The following ZNF469 variants were observed in gnomAD, a reference collection of about 807,000 sequenced individuals.
ZNF469 encodes the protein zinc finger protein 469.
In ZNF469, 1 loss-of-function variant was observed where a neutral mutation model predicts 1.0. The observed-to-expected ratio is 1.00, with a 90% CI of 0.35 to 4.73. ZNF469 has a LOEUF of 4.73. ZNF469 is among the 30% of genes most tolerant of loss of function. The pLI, the probability that ZNF469 is intolerant of heterozygous loss-of-function variation, is 0.16. For missense variants in ZNF469, 6,100 were observed against 5,356.3 expected, an observed-to-expected ratio of 1.14 and a Z score of -4.33; for synonymous variants, 2,703 against 2,363.4, an observed-to-expected ratio of 1.14 and a Z score of -4.17.
chr16:88,227,731 G>A, the ZNF469 span, among the ~76,000 whole-genome samples: 68 of 152,180 alleles, frequency 4.5e-4, no homozygotes, highest in African/African-American at 1.5e-3. Flanking sequence ...GTTGTTTCCC[G>A]TCACCGCTGT....
At chr16:88,254,749 A>G in the ZNF469 span, among the ~76,000 whole-genome samples, 1 of 151,838 alleles carries the variant, frequency 6.6e-6, no homozygotes, top group South Asian at 2.1e-4. Context: ...CAAGAGTGAA[A>G]CTCTGTCTCA....
chr16:88,417,292 T>C (rs1051244500), intron 1 of ZNF469, among the ~76,000 whole-genome samples: 1 of 152,162 alleles, frequency 6.6e-6, no homozygotes, highest in Non-Finnish European at 1.5e-5. Context: ...GTGGGCACAC[T>C]GACCGAGTCA....
the ZNF469 span, among the ~76,000 whole-genome samples, chr16:88,215,691 GC>G: frequency 1.1e-4 from 17 of 151,834 alleles, no homozygotes; most frequent in African/African-American, 4.1e-4. Flanking sequence ...CACCTGGCCA[GC>G]CTTTTTTTTT....
chr16:88,202,073 C>G, the ZNF469 span, among the ~76,000 whole-genome samples: 31,594 of 152,082 alleles, frequency 0.21, 3,732 homozygotes, highest in East Asian at 0.31. Flanking sequence ...GCCATGTTTC[C>G]ACAGCCACCC....
At chr16:88,180,762 ACT>A in the ZNF469 span, among the ~76,000 whole-genome samples, 2 of 151,422 alleles carry the variant, frequency 1.3e-5, no homozygotes, top group Non-Finnish European at 2.9e-5. Flanking sequence ...TGACAGAGAG[ACT>A]CTGTCTCAAA....
the ZNF469 span, among the ~76,000 whole-genome samples, chr16:88,113,499 A>C: frequency 6.6e-6 from 1 of 152,204 alleles, no homozygotes; most frequent in African/African-American, 2.4e-5. Context: ...CCTGCTGAGC[A>C]GGGATCCAGC....
At chr16:88,376,877 G>C in the ZNF469 span, among the ~76,000 whole-genome samples, 1 of 152,208 alleles carries the variant, frequency 6.6e-6, no homozygotes. Context: ...TGTGGTGTGT[G>C]CCCAGCCCAG....
chr16:88,218,491 G>A, the ZNF469 span, among the ~76,000 whole-genome samples: 1 of 151,582 alleles, frequency 6.6e-6, no homozygotes, highest in African/African-American at 2.4e-5. Flanking sequence ...CATTGCTTTT[G>A]GTGTTTTAGA....
the ZNF469 span, among the ~76,000 whole-genome samples, chr16:88,270,896 A>T: frequency 6.6e-6 from 1 of 152,052 alleles, no homozygotes; most frequent in African/African-American, 2.4e-5. Context: ...TCATTCATTC[A>T]TTCTTGTTTT....
chr16:88,307,686 G>C, the ZNF469 span, among the ~76,000 whole-genome samples: 98 of 152,186 alleles, frequency 6.4e-4, no homozygotes, highest in Non-Finnish European at 1.1e-3. Context: ...ATTTTTAGTT[G>C]GATTCTTGTC....
chr16:88,272,644 A>G, the ZNF469 span, among the ~76,000 whole-genome samples: 1 of 151,652 alleles, frequency 6.6e-6, no homozygotes, highest in South Asian at 2.1e-4. Context: ...GTATATGGGT[A>G]GACGAGTGGA....
chr16:88,168,207 A>G, the ZNF469 span, among the ~76,000 whole-genome samples: 1 of 152,232 alleles, frequency 6.6e-6, no homozygotes, highest in Admixed American at 6.5e-5. This position sits in a 1 kb window ranked among gnomAD's most constrained non-coding sequence, Gnocchi z 4.3. Context: ...GCTCAACTTC[A>G]AAAGACTGAA....
chr16:88,380,603 TCACA>T (rs1267530359), upstream of ZNF469, among the ~76,000 whole-genome samples: 10 of 85,666 alleles, frequency 1.2e-4, no homozygotes, highest in East Asian at 3.4e-4. Context: ...ACACATGCAC[TCACA>T]CACGCACACA....
chr16:88,216,522 T>C, the ZNF469 span, among the ~76,000 whole-genome samples: 1 of 151,984 alleles, frequency 6.6e-6, no homozygotes, highest in African/African-American at 2.4e-5. Flanking sequence ...TATTATTCCA[T>C]TGCCTCTGCA....
At chr16:88,256,848 CTTCCTTCCTTT>C in the ZNF469 span, among the ~76,000 whole-genome samples, 2 of 151,024 alleles carry the variant, frequency 1.3e-5, no homozygotes, top group Non-Finnish European at 3.0e-5. Context: ...TCCTTCCTTT[CTTCCTTCCTTT>C]TTCCTTCCTT....
rs998090120 is a variant in ZNF469 at position 88,437,054 on chromosome 16, G to A, written c.9584G>A (p.Arg3195His). The A allele has an allele frequency of 5.2e-6, 8 of 1,537,674 alleles. No individual in the cohort carries two copies. The highest frequency in any genetic ancestry group is 2.5e-5 in the East Asian group (1 of 40,734). Residue 3195 changes from arginine to histidine, a missense_variant, in exon 3 of 3, where the codon CGT (arginine) becomes CAT (histidine). Arg to His is a conservative substitution (Grantham distance 29). Coordinates refer to ENST00000565624, the MANE Select transcript of ZNF469 (RefSeq NM_001367624.2). ...ADVWMYNEHL[R>H]EHAVRFARRG... ...GTCTGGATGTACAACGAGCACCTGCGTGAGCACGCGGTCCGCTTCGCCCGC... is the reference window on the plus strand; with the variant it reads ...GTCTGGATGTACAACGAGCACCTGCATGAGCACGCGGTCCGCTTCGCCCGC...
the ZNF469 span, among the ~76,000 whole-genome samples, chr16:88,297,659 C>G: frequency 6.6e-6 from 1 of 152,154 alleles, no homozygotes; most frequent in Non-Finnish European, 1.5e-5. Flanking sequence ...TCTCTCTGCT[C>G]TGTCCCCACG....
Position 88,435,838 on chromosome 16 carries a change from T to C in ZNF469, c.8368T>C (p.Trp2790Arg), listed in dbSNP as rs1213084755. 3 of 1,550,484 alleles carry C rather than the reference T, an allele frequency of 1.9e-6. No homozygotes were observed. Among genetic ancestry groups the C allele is most frequent in the Non-Finnish European group, 2.6e-6 (3 of 1,146,960 alleles). The change falls in exon 3 of 3, where the codon TGG (tryptophan) becomes CGG (arginine). Residue 2790 changes from tryptophan to arginine, a missense_variant. Transcript: ENST00000565624. The stretch of plus-strand genomic sequence containing the variant: ...CCACAGCCGATCAGAGGAAGGTGTC[T>C]GGGAGGAGAACACGCCCCCCTTGGG... ...RAHSRSEEGVWEENTPPLGPL... is the reference protein window; with the variant it reads ...RAHSRSEEGVREENTPPLGPL...
At position 88,430,393 on chromosome 16, in the gene ZNF469, G is replaced by T. The variant is rs1238167813; in HGVS notation, c.2923G>T (p.Ala975Ser). The change falls in exon 3 of 3, where the codon GCC becomes TCC. Residue 975 changes from alanine (A) to serine (S), a missense_variant. Transcript: ENST00000565624. ...EGSGSGGGGR[A>S]SGLRPRRNDG... ...GTCGGGGTCGGGCGGCGGCGGCAGA[G>T]CCTCCGGCCTGAGGCCCCGGAGGAA... The T allele has an allele frequency of 6.6e-7, 1 of 1,519,068 alleles. No homozygotes were observed. The highest frequency in any genetic ancestry group is 8.8e-7 in the Non-Finnish European group (1 of 1,137,550). The allele number at this position is 1,519,068 out of a possible 1,614,324, so 94.1% of individuals were successfully genotyped here. A position where few individuals can be genotyped will look rare whatever the true frequency, so the allele number is the denominator to read the frequency against.
Sources: allele counts gnomAD v4.1 joint callset (sites outside exome capture counted in the v4.1 genomes callset), GRCh38; gene constraint gnomAD v4.1.1; non-coding constraint Gnocchi (gnomAD v3.1); transcripts MANE v1.5; gene names NCBI Gene and HGNC (gene_info 2026-07-23, HGNC 2026-07-21).